TUSC7: variants seen among roughly 807,000 people sequenced by gnomAD.
The protein encoded by TUSC7 is tumor suppressor candidate 7.
intron 1 of TUSC7, among the ~76,000 whole-genome samples, chr3:116,715,265 T>G (rs2051495978): frequency 6.6e-6 from 1 of 152,214 alleles, no homozygotes; most frequent in Admixed American, 6.5e-5. Context: ...TTTTGGCAAT[T>G]ATGAATGAAG....
At chr3:116,716,195 C>T (rs2051505473) in intron 1 of TUSC7, 1 of 152,194 alleles carries the variant, frequency 6.6e-6, no homozygotes, top group South Asian at 2.1e-4. Flanking sequence ...CAGAAGGCAC[C>T]TCAAATAAAG....
At chr3:116,714,634 G>A (rs1005947775) in intron 1 of TUSC7, among the ~76,000 whole-genome samples, 1 of 152,112 alleles carries the variant, frequency 6.6e-6, no homozygotes, top group Non-Finnish European at 1.5e-5. Context: ...CCAACTGTAT[G>A]ACAGAGCAGT....
chr3:116,712,005 G>A (rs1188915877), intron 1 of TUSC7, among the ~76,000 whole-genome samples: 1 of 152,090 alleles, frequency 6.6e-6, no homozygotes, highest in African/African-American at 2.4e-5. Flanking sequence ...GTTATTATCT[G>A]CATTAGCATG....
chr3:116,713,971 A>AAAAAG (rs1026532354), intron 1 of TUSC7: 1 of 152,222 alleles, frequency 6.6e-6, no homozygotes, highest in Non-Finnish European at 1.5e-5. Flanking sequence ...CATCTTTAAG[A>AAAAAG]AAAAGAAAAG....
intron 1 of TUSC7, chr3:116,712,724 T>G (rs1221405668): frequency 6.6e-6 from 1 of 151,934 alleles, no homozygotes; most frequent in South Asian, 2.1e-4. Context: ...AGGAGAGAGA[T>G]ATGCTAAGTT....
At chr3:116,710,723 T>C (rs1026312360) in intron 1 of TUSC7, among the ~76,000 whole-genome samples, 1 of 152,148 alleles carries the variant, frequency 6.6e-6, no homozygotes, top group East Asian at 1.9e-4. Flanking sequence ...TCCAAACTAA[T>C]GGTTTTTTTA....
At chr3:116,711,370 C>T (rs539823425) in intron 1 of TUSC7, among the ~76,000 whole-genome samples, 2 of 152,232 alleles carry the variant, frequency 1.3e-5, no homozygotes, top group Admixed American at 1.3e-4. Context: ...CTTTATTGAC[C>T]AGGCTTCTGC....
intron 1 of TUSC7, chr3:116,716,870 C>G (rs1263481875): frequency 6.6e-6 from 1 of 152,064 alleles, no homozygotes; most frequent in African/African-American, 2.4e-5. Flanking sequence ...TCCTGTTTTG[C>G]AAAACAGCTT....
chr3:116,715,181 T>C (rs2051495380), intron 1 of TUSC7, among the ~76,000 whole-genome samples: 1 of 152,208 alleles, frequency 6.6e-6, no homozygotes, highest in African/African-American at 2.4e-5. Context: ...CTTTTTAACA[T>C]TGAATAATAT....
At chr3:116,716,695 T>C (rs936445367) in intron 1 of TUSC7, 2 of 152,200 alleles carry the variant, frequency 1.3e-5, no homozygotes, top group African/African-American at 4.8e-5. Flanking sequence ...ACGTTTTCAC[T>C]ATAAAGATTC....
chr3:116,712,021 A>G (rs1357424594), intron 1 of TUSC7, among the ~76,000 whole-genome samples: 1 of 152,216 alleles, frequency 6.6e-6, no homozygotes. Context: ...GCATGGTACA[A>G]GAAATATGTT....
intron 1 of TUSC7, among the ~76,000 whole-genome samples, chr3:116,713,617 T>C (rs985956104): frequency 6.6e-6 from 1 of 152,204 alleles, no homozygotes; most frequent in Non-Finnish European, 1.5e-5. Context: ...TTTCTAATCA[T>C]GATGAACTGT....
intron 1 of TUSC7, chr3:116,709,944 A>C (rs2051449728): frequency 2.0e-5 from 3 of 152,270 alleles, no homozygotes; most frequent in Admixed American, 6.5e-5. Context: ...GGTAGAGATA[A>C]GTCTGACAGT....
chr3:116,715,145 C>A (rs1474335134), intron 1 of TUSC7, among the ~76,000 whole-genome samples: 1 of 152,176 alleles, frequency 6.6e-6, no homozygotes, highest in African/African-American at 2.4e-5. Flanking sequence ...TTTCTCCATG[C>A]ATTTTCATGG....
intron 1 of TUSC7, chr3:116,710,378 C>T (rs1227063429): frequency 6.6e-6 from 1 of 152,038 alleles, no homozygotes; most frequent in Non-Finnish European, 1.5e-5. Flanking sequence ...GAGAAAATGC[C>T]ATGCAGAAGT....
intron 1 of TUSC7, among the ~76,000 whole-genome samples, chr3:116,711,555 A>G (rs1175462259): frequency 6.6e-6 from 1 of 152,164 alleles, no homozygotes; most frequent in Non-Finnish European, 1.5e-5. Flanking sequence ...CCATATAAGA[A>G]ATATTTCCTT....
Position 116,714,567 on chromosome 3 carries a change from A to G in TUSC7, n.99-3194A>G, listed in dbSNP as rs371859676. The stretch of plus-strand genomic sequence containing the variant: ...TCTAAAACATCTCCAGATGATGTTG[A>G]TGAAGCTGATCCATGGACTACATTT... On this transcript the variant is annotated intron_variant and non_coding_transcript_variant, in intron 1 of 2. Coordinates refer to ENST00000477805, the Ensembl canonical transcript of TUSC7. 1.2e-4 allele frequency among the ~76,000 whole-genome samples: 19 copies of G among 152,342 alleles called. No homozygotes were observed. In the South Asian group the frequency reaches 3.9e-3, roughly 32 times the overall value.
At chr3:116,713,599 G>A (rs922463557) in intron 1 of TUSC7, among the ~76,000 whole-genome samples, 3 of 152,208 alleles carry the variant, frequency 2.0e-5, no homozygotes, top group Non-Finnish European at 4.4e-5. Context: ...GCCTAAATCT[G>A]TAGAAGGTTT....
intron 1 of TUSC7, among the ~76,000 whole-genome samples, chr3:116,714,439 G>A (rs2051488215): frequency 1.3e-5 from 2 of 152,134 alleles, no homozygotes; most frequent in Non-Finnish European, 2.9e-5. Flanking sequence ...ATAAGTTCTT[G>A]AGCAGTACTT....
Sources: allele counts gnomAD v4.1 joint callset (sites outside exome capture counted in the v4.1 genomes callset), GRCh38; gene constraint gnomAD v4.1.1; transcripts MANE v1.5; gene names NCBI Gene and HGNC (gene_info 2026-07-23, HGNC 2026-07-21).